FARP1: variants seen among roughly 807,000 people sequenced by gnomAD.
The protein encoded by FARP1 is FERM, ARHGEF and pleckstrin domain-containing protein 1.
Under a neutral mutation model 128.8 loss-of-function variants are expected in FARP1, and 52 were observed. The observed-to-expected ratio is 0.40, with a 90% CI of 0.32 to 0.51. The LOEUF (loss-of-function observed/expected upper bound fraction) is 0.51. Ranked by LOEUF, FARP1 falls within the 20% of genes least tolerant of loss-of-function variation. The pLI is 0.45. For synonymous variants in FARP1, 580 were observed against 551.8 expected (o/e 1.05, Z -0.72); for missense variants, 1,333 against 1,367.9 (o/e 0.97, Z 0.40).
intron 3 of FARP1, among the ~76,000 whole-genome samples, chr13:98,349,672 G>GAAAAAAA (rs56376512): frequency 2.7e-4 from 16 of 59,848 alleles, no homozygotes; most frequent in Non-Finnish European, 3.6e-4. Context: ...CCATCTCAGG[G>GAAAAAAA]AAAAAAAAAA....
intron 2 of FARP1, chr13:98,329,445 T>TA (rs2139819574): frequency 6.6e-6 from 1 of 152,320 alleles, no homozygotes; most frequent in South Asian, 2.1e-4. Context: ...ATGGATCACT[T>TA]GAGGTCAGGA....
intron 1 of FARP1, among the ~76,000 whole-genome samples, chr13:98,153,320 TA>T (rs1241221869): frequency 1.8e-4 from 2 of 11,018 alleles, no homozygotes; most frequent in African/African-American, 2.8e-4. Context: ...ATAAAATATA[TA>T]AATAATATAA....
At chr13:98,431,527 T>C in intron 18 of FARP1, 1 of 326,444 alleles carries the variant, frequency 3.1e-6, no homozygotes. Context: ...AATGGTGCGA[T>C]CTCGGCTCAC....
chr13:98,263,233 C>G (rs192268020), intron 2 of FARP1, among the ~76,000 whole-genome samples: 18 of 152,160 alleles, frequency 1.2e-4, no homozygotes. Context: ...GTCTCAAACT[C>G]CTGACCTCAG....
intron 6 of FARP1, among the ~76,000 whole-genome samples, chr13:98,382,892 C>G (rs1326943796): frequency 6.6e-6 from 1 of 152,198 alleles, no homozygotes; most frequent in Non-Finnish European, 1.5e-5. Flanking sequence ...GCGTGCAGTG[C>G]TATCTGCCTG....
At chr13:98,268,138 A>G (rs1163962502) in intron 2 of FARP1, among the ~76,000 whole-genome samples, 1 of 152,202 alleles carries the variant, frequency 6.6e-6, no homozygotes, top group Admixed American at 6.5e-5. Flanking sequence ...TTTTGGGGAC[A>G]TGTGAAAATG....
rs138950552 is a variant in FARP1 at position 98,243,887 on chromosome 13, C to T, written c.171+30474C>T. Among the ~76,000 whole-genome samples the T allele has an allele frequency of 7.2e-5, 11 of 152,156 alleles. No homozygotes were observed. The East Asian group carries it at 2.1e-3, about 29-fold the overall frequency. ...TATTAAATTTTTACTCCCTGCTGTA[C>T]ATGTGGAATTTCAGTGTAATTTTAA... On this transcript the variant is annotated intron_variant, in intron 2 of 26. Coordinates refer to ENST00000319562, the MANE Select transcript of FARP1 (RefSeq NM_005766.4).
Position 98,412,074 on chromosome 13 carries a change from G to A in FARP1, c.1826+40G>A, listed in dbSNP as rs201207941. 98 of 1,598,404 alleles carry A rather than the reference G, an allele frequency of 6.1e-5. 1 individual carries two copies. In the East Asian group the frequency reaches 1.8e-3, roughly 29 times the overall value. ...ACTTCCCAGCTACGTTCCTCCCTCCGTCTTGCTTGTGTTATTTTTATGTCG... is the reference window on the plus strand; with the variant it reads ...ACTTCCCAGCTACGTTCCTCCCTCCATCTTGCTTGTGTTATTTTTATGTCG... On this transcript the variant is annotated intron_variant, in intron 16 of 26. Transcript: ENST00000319562.
chr13:98,169,821 C>T (rs1040311219), intron 1 of FARP1, among the ~76,000 whole-genome samples: 10 of 151,596 alleles, frequency 6.6e-5, no homozygotes, highest in Non-Finnish European at 1.3e-4. Flanking sequence ...GGGTATTTTG[C>T]TTTCTCCATT....
chr13:98,213,704 A>C (rs1880877876), intron 2 of FARP1, among the ~76,000 whole-genome samples: 1 of 152,146 alleles, frequency 6.6e-6, no homozygotes, highest in Non-Finnish European at 1.5e-5. Flanking sequence ...GCATATGTAT[A>C]TGTTATGTAT....
intron 2 of FARP1, among the ~76,000 whole-genome samples, chr13:98,298,915 A>C (rs1271469810): frequency 1.3e-5 from 2 of 152,182 alleles, no homozygotes; most frequent in Non-Finnish European, 2.9e-5. Flanking sequence ...CATTGTATAT[A>C]TGAGGATTTT....
intron 2 of FARP1, among the ~76,000 whole-genome samples, chr13:98,255,495 C>T (rs943792462): frequency 6.7e-6 from 1 of 150,126 alleles, no homozygotes; most frequent in Non-Finnish European, 1.5e-5. Flanking sequence ...AGTGAGACTT[C>T]ATCTCAAAAA....
intron 1 of FARP1, among the ~76,000 whole-genome samples, chr13:98,173,460 G>A (rs376813578): frequency 2.6e-5 from 4 of 152,166 alleles, no homozygotes; most frequent in African/African-American, 9.7e-5. Context: ...AATCCTAGGG[G>A]TTTGTGACCT....
At chr13:98,424,360 C>T (rs1404759699) in intron 16 of FARP1, among the ~76,000 whole-genome samples, 1 of 152,190 alleles carries the variant, frequency 6.6e-6, no homozygotes, top group Non-Finnish European at 1.5e-5. Flanking sequence ...TCTCTCTTGT[C>T]TCTTTCAAAG....
Position 98,438,839 on chromosome 13 carries a change from G to T in FARP1, c.2310G>T (p.Ser770=). The part of the protein sequence containing the change: ...FIRLGSLSKL[S]GKGLQQRMFF... Reference sequence around the variant, plus strand: ...GTCTGGGCAGCCTCAGCAAGCTCTCGGGGAAGGGGCTCCAGCAGCGCATGT... The same window carrying T: ...GTCTGGGCAGCCTCAGCAAGCTCTCTGGGAAGGGGCTCCAGCAGCGCATGT... The change falls in exon 20 of 27, where the codon TCG becomes TCT. Residue 770 remains serine, a synonymous_variant. Transcript: ENST00000319562. The T allele has an allele frequency of 6.2e-7, 1 of 1,613,400 alleles. No individual in the cohort carries two copies. The highest frequency in any genetic ancestry group is 1.1e-5 in the South Asian group (1 of 91,046).
chr13:98,389,737 G>T (rs1018627669), intron 9 of FARP1: 4 of 469,416 alleles, frequency 8.5e-6, no homozygotes, highest in Non-Finnish European at 1.5e-5. Flanking sequence ...TCTGTTACCC[G>T]TCTAAGAGAT....
rs1387275432 is a variant in FARP1, at chr13:98,159,334, G to T, written c.-24+15842G>T. 3.9e-5 allele frequency among the ~76,000 whole-genome samples: 6 copies of T among 152,328 alleles called. No individual in the cohort carries two copies. The East Asian group carries it at 1.2e-3, about 29-fold the overall frequency. ...GTCACACAGCTAATAAGTGAAGTCA[G>T]GGGTCTTCTTGTAGTACAGGTGTCC... On this transcript the variant is annotated intron_variant, in intron 1 of 26. Transcript: ENST00000319562.
intron 1 of FARP1, among the ~76,000 whole-genome samples, chr13:98,153,393 A>C: frequency 9.0e-6 from 1 of 111,430 alleles, no homozygotes. Flanking sequence ...ATAATAAATA[A>C]TACATTATAT....
At chr13:98,177,769 G>T (rs372682418) in intron 1 of FARP1, 1 of 149,524 alleles carries the variant, frequency 6.7e-6, no homozygotes, top group East Asian at 2.1e-4. Context: ...AGCTCCCTCA[G>T]TGCACACTCA....
Sources: allele counts gnomAD v4.1 joint callset (sites outside exome capture counted in the v4.1 genomes callset), GRCh38; gene constraint gnomAD v4.1.1; transcripts MANE v1.5; gene names NCBI Gene and HGNC (gene_info 2026-07-23, HGNC 2026-07-21).